GPR39: variants seen among roughly 807,000 people sequenced by gnomAD.
GPR39 encodes the protein zinc sensing receptor.
In GPR39, 23 loss-of-function variants were observed where a neutral mutation model predicts 18.4. The observed-to-expected ratio is 1.25, with a 90% CI of 0.90 to 1.77. GPR39 has a LOEUF of 1.77. GPR39 is among the 40% of genes most tolerant of loss of function. The pLI is 0.00. For synonymous variants in GPR39, 280 were observed against 257.9 expected (o/e 1.09, Z -0.82); for missense variants, 647 against 602.4 (o/e 1.07, Z -0.78).
At chr2:132,470,358 GTCT>G (rs1400528498) in intron 1 of GPR39, among the ~76,000 whole-genome samples, 39 of 152,244 alleles carry the variant, frequency 2.6e-4, no homozygotes, top group African/African-American at 8.4e-4. Context: ...ATTGCAACAA[GTCT>G]TGAGGAGGTG....
At chr2:132,470,993 A>T (rs1364498662) in intron 1 of GPR39, among the ~76,000 whole-genome samples, 1 of 152,136 alleles carries the variant, frequency 6.6e-6, no homozygotes, top group Non-Finnish European at 1.5e-5. Flanking sequence ...CTTGGAATCC[A>T]CTTTCTATCC....
chr2:132,581,612 C>T (rs1225757504), intron 1 of GPR39, among the ~76,000 whole-genome samples: 1 of 152,100 alleles, frequency 6.6e-6, no homozygotes, highest in African/African-American at 2.4e-5. Context: ...GCATTTGACT[C>T]CCAATATTCC....
intron 1 of GPR39, among the ~76,000 whole-genome samples, chr2:132,469,955 AG>A (rs376740637): frequency 1.2e-4 from 19 of 152,344 alleles, no homozygotes; most frequent in Middle Eastern, 3.4e-3. Context: ...AGTTGGCAAA[AG>A]TCTGTGAAGT....
chr2:132,541,564 C>T (rs1039756041), intron 1 of GPR39, among the ~76,000 whole-genome samples: 1 of 152,334 alleles, frequency 6.6e-6, no homozygotes, highest in Admixed American at 6.5e-5. Context: ...AGGAAAATGG[C>T]ACAGGTTGGC....
intron 1 of GPR39, among the ~76,000 whole-genome samples, chr2:132,528,081 T>C (rs1679545338): frequency 6.6e-6 from 1 of 152,220 alleles, no homozygotes; most frequent in South Asian, 2.1e-4. Flanking sequence ...TTTAAGTCTT[T>C]AATCCATCTT....
chr2:132,552,508 T>A (rs1680061826), intron 1 of GPR39, among the ~76,000 whole-genome samples: 1 of 152,098 alleles, frequency 6.6e-6, no homozygotes, highest in Non-Finnish European at 1.5e-5. Context: ...TACAGAACAA[T>A]GAGCCAATTA....
At chr2:132,485,212 A>C (rs1035152353) in intron 1 of GPR39, among the ~76,000 whole-genome samples, 9 of 152,238 alleles carry the variant, frequency 5.9e-5, no homozygotes, top group Admixed American at 1.3e-4. Context: ...GTCTAAAAAC[A>C]CAATATGCAT....
At chr2:132,535,141 CT>C (rs2104779780) in intron 1 of GPR39, among the ~76,000 whole-genome samples, 1 of 152,202 alleles carries the variant, frequency 6.6e-6, no homozygotes, top group East Asian at 1.9e-4. Context: ...AGAAGGCATC[CT>C]TGTCTTGTGC....
chr2:132,640,835 T>C (rs1681844089), intron 1 of GPR39, among the ~76,000 whole-genome samples: 2 of 152,208 alleles, frequency 1.3e-5, no homozygotes, highest in South Asian at 4.1e-4. Context: ...CTCAACGGTG[T>C]ATCATCTAGA....
chr2:132,512,524 G>A (rs1039343614), intron 1 of GPR39, among the ~76,000 whole-genome samples: 3 of 152,068 alleles, frequency 2.0e-5, no homozygotes, highest in African/African-American at 7.2e-5. Context: ...CAGAGGTTGG[G>A]GATTCCAGTT....
intron 1 of GPR39, among the ~76,000 whole-genome samples, chr2:132,590,989 C>G (rs1166406613): frequency 6.6e-6 from 1 of 151,888 alleles, no homozygotes; most frequent in African/African-American, 2.4e-5. Context: ...CGGTGGCTCA[C>G]GCCTGTAATC....
At chr2:132,493,299 A>G (rs1573630115) in intron 1 of GPR39, among the ~76,000 whole-genome samples, 1 of 146,058 alleles carries the variant, frequency 6.8e-6, no homozygotes. Context: ...ATATATATAC[A>G]CCATATATAT....
intron 1 of GPR39, among the ~76,000 whole-genome samples, chr2:132,610,304 A>G (rs1681217001): frequency 6.6e-6 from 1 of 152,142 alleles, no homozygotes; most frequent in Non-Finnish European, 1.5e-5. Flanking sequence ...CATACTTCCT[A>G]GGCGTAGTCA....
chr2:132,611,144 G>A (rs1412675425), intron 1 of GPR39, among the ~76,000 whole-genome samples: 1 of 152,228 alleles, frequency 6.6e-6, no homozygotes, highest in East Asian at 1.9e-4. Flanking sequence ...TTCGGACATA[G>A]TGTTCCCTTT....
At chr2:132,554,729 C>A (rs1398847235) in intron 1 of GPR39, among the ~76,000 whole-genome samples, 1 of 152,206 alleles carries the variant, frequency 6.6e-6, no homozygotes, top group Non-Finnish European at 1.5e-5. Context: ...GAAAACTTGA[C>A]TTTGCAGCAC....
At chr2:132,565,026 C>T (rs984297710) in intron 1 of GPR39, among the ~76,000 whole-genome samples, 1 of 151,638 alleles carries the variant, frequency 6.6e-6, no homozygotes, top group Non-Finnish European at 1.5e-5. Flanking sequence ...ACCATGTTGG[C>T]CAGGATGGTC....
intron 1 of GPR39, among the ~76,000 whole-genome samples, chr2:132,485,507 A>G (rs746228473): frequency 4.6e-5 from 7 of 152,264 alleles, no homozygotes; most frequent in East Asian, 1.9e-4. Context: ...ATTGAAGTCA[A>G]TCCTCTAAAA....
At chr2:132,453,257 C>T (rs112179648) in intron 1 of GPR39, among the ~76,000 whole-genome samples, 3 of 152,210 alleles carry the variant, frequency 2.0e-5, no homozygotes, top group Non-Finnish European at 2.9e-5. Context: ...TTTCATGTGT[C>T]TGTTGGTGGC....
At chr2:132,430,132 G>A (rs972160986) in intron 1 of GPR39, among the ~76,000 whole-genome samples, 1 of 152,226 alleles carries the variant, frequency 6.6e-6, no homozygotes, top group Non-Finnish European at 1.5e-5. Context: ...AGGTGTGGAA[G>A]TGATCATGGG....
Sources: gnomAD v4.1 joint callset for allele counts (sites outside exome capture counted in the v4.1 genomes callset) on GRCh38, gnomAD v4.1.1 for gene constraint, MANE v1.5 for transcripts, NCBI Gene and HGNC (gene_info 2026-07-23, HGNC 2026-07-21) for gene names.